Variants in SUN3 observed in about 807,000 individuals in gnomAD.
SUN3 encodes Sad1 and UNC84 domain containing 3.
Under a neutral mutation model 48.2 loss-of-function variants are expected in SUN3, and 36 were observed. That is an observed-to-expected ratio of 0.75 (90% CI 0.57 to 0.99). The LOEUF is 0.99. Ranked by LOEUF, SUN3 falls within the 50% of genes least tolerant of loss-of-function variation. The pLI is 0.00. For synonymous variants in SUN3, 148 were observed against 147.9 expected, an observed-to-expected ratio of 1.00 and a Z score of 0.00; for missense variants, 419 against 433.1, an observed-to-expected ratio of 0.97 and a Z score of 0.29.
chr7:48,031,971 G>A (rs749442520), upstream of SUN3, among the ~76,000 whole-genome samples: 5 of 152,158 alleles, frequency 3.3e-5, no homozygotes, highest in South Asian at 1.0e-3. Context: ...GAATGAGCCT[G>A]GAGAACATTA....
chr7:48,011,996 G>A (rs1017039696), intron 3 of SUN3, among the ~76,000 whole-genome samples: 1 of 152,220 alleles, frequency 6.6e-6, no homozygotes, highest in Non-Finnish European at 1.5e-5. Flanking sequence ...CATCCACAAT[G>A]TGGAAAAAGA....
At chr7:48,003,031 T>C (rs114915130) in intron 6 of SUN3, among the ~76,000 whole-genome samples, 1,637 of 82,216 alleles carry the variant, frequency 0.02, 18 homozygotes, top group African/African-American at 0.051. Context: ...AGGGTTTTCT[T>C]TTTTTTTTTG....
At chr7:47,987,595 A>G (rs890851838) in intron 9 of SUN3, 146 bp from the exon 10 acceptor site, 10 of 752,640 alleles carry the variant, frequency 1.3e-5, no homozygotes, top group Non-Finnish European at 1.7e-5. Flanking sequence ...ATGCAGTGGC[A>G]TGATCATGGC....
At chr7:47,989,173 T>C (rs2128768824) in intron 8 of SUN3, among the ~76,000 whole-genome samples, 1 of 152,326 alleles carries the variant, frequency 6.6e-6, no homozygotes, top group African/African-American at 2.4e-5. Context: ...AGATAGATGA[T>C]TGACAAACAG....
the SUN3 span, among the ~76,000 whole-genome samples, chr7:48,034,636 C>T: frequency 6.6e-6 from 1 of 152,134 alleles, no homozygotes; most frequent in East Asian, 1.9e-4. Flanking sequence ...AAAAGTGTCT[C>T]CTACTGAACT....
intron 2 of SUN3, among the ~76,000 whole-genome samples, chr7:48,019,123 T>C (rs770336020): frequency 4.6e-5 from 7 of 152,126 alleles, no homozygotes; most frequent in Non-Finnish European, 1.0e-4. Context: ...TATGAAATTA[T>C]TGAGTCTGTG....
At chr7:47,988,710 T>C (rs1214042354) in intron 9 of SUN3, 78 bp downstream of exon 9, 2 of 805,338 alleles carry the variant, frequency 2.5e-6, no homozygotes, top group East Asian at 2.5e-5. Flanking sequence ...TTCTCATACG[T>C]CACTTTACAT....
chr7:48,018,891 A>G (rs1282319412), intron 2 of SUN3, among the ~76,000 whole-genome samples: 1 of 152,198 alleles, frequency 6.6e-6, no homozygotes, highest in East Asian at 1.9e-4. Context: ...GCTGTTCTAC[A>G]TATGTTCAAA....
At position 48,005,961 on chromosome 7, in the gene SUN3, G is replaced by C. The variant is rs768524000; in HGVS notation, c.577+8C>G. ...TAATGTTCCTCTTTTCACTTTTTCT[G>C]TACTCACCGGCCGACTTCAGGGCAT... is the stretch of plus-strand genomic sequence containing the variant. On this transcript the variant is annotated splice_region_variant and intron_variant, in intron 6 of 9. Coordinates refer to ENST00000297325, the MANE Select transcript of SUN3 (RefSeq NM_001030019.2). The C allele has an allele frequency of 1.3e-6, 2 of 1,573,688 alleles. No homozygotes were observed. Among genetic ancestry groups the C allele is most frequent in the Admixed American group, 3.6e-5 (2 of 56,124 alleles).
At chr7:48,006,195 C>G (rs974437149) in intron 5 of SUN3, 142 bp from the exon 6 acceptor site, 16 of 622,582 alleles carry the variant, frequency 2.6e-5, no homozygotes, top group Admixed American at 8.8e-5. Flanking sequence ...GAGCCAGGCC[C>G]TGTTCATGGA....
chr7:48,012,323 C>T (rs554494689), intron 3 of SUN3, among the ~76,000 whole-genome samples: 27 of 152,094 alleles, frequency 1.8e-4, no homozygotes, highest in Middle Eastern at 3.4e-3. Flanking sequence ...GACACGAAGG[C>T]GTCAGGTAGA....
chr7:48,010,508 G>A (rs1789655196), intron 3 of SUN3, among the ~76,000 whole-genome samples: 1 of 152,204 alleles, frequency 6.6e-6, no homozygotes, highest in South Asian at 2.1e-4. Flanking sequence ...TATGTGCCAA[G>A]AAAATAATGT....
chr7:48,013,769 T>C (rs1284866783), intron 3 of SUN3, among the ~76,000 whole-genome samples: 1 of 152,060 alleles, frequency 6.6e-6, no homozygotes, highest in Non-Finnish European at 1.5e-5. Flanking sequence ...GCTCAGGAGA[T>C]TGAGAAACAG....
At chr7:48,032,063 T>A (rs1790263141), upstream of SUN3, among the ~76,000 whole-genome samples, 1 of 152,166 alleles carries the variant, frequency 6.6e-6, no homozygotes, top group South Asian at 2.1e-4. Context: ...GTCAAATGTG[T>A]AGAAGCAAAG....
At chr7:48,033,857 C>T (rs1452253733), upstream of SUN3, among the ~76,000 whole-genome samples, 1 of 152,200 alleles carries the variant, frequency 6.6e-6, no homozygotes, top group Non-Finnish European at 1.5e-5. Context: ...AGTATGAGAC[C>T]AGCCTGGCCA....
intron 6 of SUN3, among the ~76,000 whole-genome samples, chr7:47,998,665 C>A (rs1332784731): frequency 6.6e-6 from 1 of 151,772 alleles, no homozygotes; most frequent in Non-Finnish European, 1.5e-5. Flanking sequence ...TTTTTTCTAG[C>A]TTTAAGCTTT....
At chr7:48,000,507 G>A (rs957589887) in intron 6 of SUN3, among the ~76,000 whole-genome samples, 1 of 152,152 alleles carries the variant, frequency 6.6e-6, no homozygotes, top group Non-Finnish European at 1.5e-5. Flanking sequence ...TTTCTTTTTG[G>A]TGTCATTTCT....
intron 6 of SUN3, among the ~76,000 whole-genome samples, chr7:48,005,053 T>G (rs1236143996): frequency 2.6e-5 from 4 of 152,226 alleles, no homozygotes; most frequent in Non-Finnish European, 2.9e-5. Context: ...GTGCTACTCT[T>G]GCACCTACAT....
chr7:48,008,071 G>A (rs1404945837), intron 4 of SUN3, among the ~76,000 whole-genome samples: 1 of 152,086 alleles, frequency 6.6e-6, no homozygotes, highest in Non-Finnish European at 1.5e-5. Flanking sequence ...TGATCCACCC[G>A]CCTCGGCCAC....
Sources: gnomAD v4.1 joint callset for allele counts (sites outside exome capture counted in the v4.1 genomes callset) on GRCh38, gnomAD v4.1.1 for gene constraint, MANE v1.5 for transcripts, NCBI Gene and HGNC (gene_info 2026-07-23, HGNC 2026-07-21) for gene names.